The following NTNG1 variants were observed in gnomAD, a reference collection of about 807,000 sequenced individuals.
The protein encoded by NTNG1 is netrin-G1.
NTNG1 carries 16 observed loss-of-function variants against 54.0 expected under a neutral mutation model. The ratio of observed to expected loss-of-function variants is 0.30; its 90% CI spans 0.20 to 0.45. The LOEUF (loss-of-function observed/expected upper bound fraction) is 0.45. Among genes scored for constraint, NTNG1 ranks in the 20% least tolerant of loss-of-function variants. NTNG1 has a pLI of 1.00. For synonymous variants in NTNG1, 255 were observed against 263.1 expected, an observed-to-expected ratio of 0.97 and a Z score of 0.30; for missense variants, 530 against 678.7, an observed-to-expected ratio of 0.78 and a Z score of 2.43.
At chr1:107,335,091 C>T (rs112949516) in intron 3 of NTNG1, among the ~76,000 whole-genome samples, 39 of 152,020 alleles carry the variant, frequency 2.6e-4, no homozygotes, top group African/African-American at 6.0e-4. Context: ...TAAATGAATA[C>T]CACTCCACTC....
chr1:107,226,850 T>C (rs1660723347), intron 2 of NTNG1, among the ~76,000 whole-genome samples: 1 of 152,106 alleles, frequency 6.6e-6, no homozygotes, highest in African/African-American at 2.4e-5. Context: ...GTGAAGTAAC[T>C]GGCTCAGTCT....
chr1:107,334,747 A>G (rs558465101), intron 3 of NTNG1, among the ~76,000 whole-genome samples: 1 of 152,050 alleles, frequency 6.6e-6, no homozygotes, highest in East Asian at 1.9e-4. Flanking sequence ...CAGTTTACTC[A>G]CTGATCTGCG....
rs1344796726 is a variant in NTNG1, at chr1:107,480,943, A to G, written c.*103A>G. 2.4e-6 allele frequency: 2 copies of G among 824,456 alleles called. No homozygotes were observed. Among genetic ancestry groups the G allele is most frequent in the South Asian group, 1.7e-5 (1 of 60,600 alleles). 51.1% of individuals were successfully genotyped at this position (824,456 alleles called of 1,614,324 possible). On this transcript the variant is annotated 3_prime_UTR_variant, in exon 8 of 8. Transcript: ENST00000370068. ...GAAACACACACATACAGACACCCCC[A>G]CTCAGACAGTGTACAAACTAAGAAG...
intron 3 of NTNG1, among the ~76,000 whole-genome samples, chr1:107,360,947 A>G (rs1194975267): frequency 1.3e-5 from 2 of 152,044 alleles, no homozygotes; most frequent in East Asian, 3.9e-4. Flanking sequence ...ATTTGTATAC[A>G]TGACACATAA....
chr1:107,188,286 A>C (rs1303809804), intron 2 of NTNG1, among the ~76,000 whole-genome samples: 2 of 152,146 alleles, frequency 1.3e-5, no homozygotes, highest in Non-Finnish European at 2.9e-5. Context: ...TGCAGCACCA[A>C]GGCAGTAAGA....
intron 5 of NTNG1, chr1:107,418,474 A>C: frequency 1.5e-6 from 1 of 654,480 alleles, no homozygotes; most frequent in East Asian, 2.9e-5. Context: ...CAGCCAAGTT[A>C]AAGAGCAGAT....
intron 3 of NTNG1, among the ~76,000 whole-genome samples, chr1:107,366,935 C>A (rs1213211226): frequency 2.6e-5 from 4 of 152,094 alleles, no homozygotes; most frequent in Admixed American, 2.6e-4. Context: ...AGTTACTGTA[C>A]AAAATCTTGA....
intron 2 of NTNG1, among the ~76,000 whole-genome samples, chr1:107,293,787 C>T (rs1259765607): frequency 6.6e-6 from 1 of 151,928 alleles, no homozygotes; most frequent in African/African-American, 2.4e-5. Context: ...TTTTAATGAC[C>T]ATATAAGAGT....
At chr1:107,426,642 G>A (rs924830279) in intron 5 of NTNG1, among the ~76,000 whole-genome samples, 1 of 151,946 alleles carries the variant, frequency 6.6e-6, no homozygotes, top group Admixed American at 6.6e-5. Flanking sequence ...AAATGCTTTG[G>A]CTTTGGCTAT....
intron 7 of NTNG1, among the ~76,000 whole-genome samples, chr1:107,471,175 G>T (rs563412461): frequency 6.6e-6 from 1 of 152,284 alleles, no homozygotes; most frequent in East Asian, 1.9e-4. Context: ...GTCAGAACTT[G>T]CAGTCCTTGA....
chr1:107,419,438 C>T (rs983936984), intron 5 of NTNG1, among the ~76,000 whole-genome samples: 11 of 113,084 alleles, frequency 9.7e-5, no homozygotes, highest in African/African-American at 3.0e-4. Context: ...AAGAAAACAA[C>T]ACTGATAGAC....
intron 4 of NTNG1, among the ~76,000 whole-genome samples, chr1:107,396,480 T>C (rs2101094969): frequency 6.6e-6 from 1 of 152,292 alleles, no homozygotes. Context: ...TCAGTTGCTT[T>C]CAGTGTTAAA....
rs1217323206 is a variant in NTNG1, at chr1:107,430,873, T to C, written c.1211T>C (p.Phe404Ser). The C allele has an allele frequency of 1.2e-6, 2 of 1,613,092 alleles. No individual in the cohort carries two copies. Among genetic ancestry groups the C allele is most frequent in the Non-Finnish European group, 1.7e-6 (2 of 1,179,530 alleles). ...QHCELCRLGY[F>S]RNASAQLDDE... The stretch of plus-strand genomic sequence containing the variant: ...TGTGAGTTATGCAGGCTGGGCTACT[T>C]CAGAAATGCTTCTGCACAACTGGAC... The change falls in exon 6 of 8, where the codon TTC becomes TCC. Residue 404 changes from phenylalanine to serine, a missense_variant. By Grantham distance (155) the Phe-to-Ser change is radical. Transcript: ENST00000370068.
intron 2 of NTNG1, among the ~76,000 whole-genome samples, chr1:107,275,939 G>T (rs933056218): frequency 2.0e-5 from 3 of 152,136 alleles, no homozygotes; most frequent in African/African-American, 7.2e-5. Flanking sequence ...GAGAAGAAGG[G>T]CTTCTCTCTT....
chr1:107,256,710 G>C (rs1043640515), intron 2 of NTNG1, among the ~76,000 whole-genome samples: 5 of 152,162 alleles, frequency 3.3e-5, no homozygotes, highest in Admixed American at 3.3e-4. Flanking sequence ...GAGGAGAGGA[G>C]AGAGCGGGAG....
intron 2 of NTNG1, among the ~76,000 whole-genome samples, chr1:107,236,029 A>G (rs1007065951): frequency 6.6e-6 from 1 of 152,220 alleles, no homozygotes; most frequent in African/African-American, 2.4e-5. Context: ...AAGAAGGAAT[A>G]CAACATCAAG....
chr1:107,217,647 A>ATAT (rs1032375551), intron 2 of NTNG1, among the ~76,000 whole-genome samples: 3 of 152,080 alleles, frequency 2.0e-5, no homozygotes, highest in African/African-American at 7.2e-5. Flanking sequence ...TTGATAGGTT[A>ATAT]TATCACTACT....
At chr1:107,471,970 A>G (rs1001709615) in intron 7 of NTNG1, among the ~76,000 whole-genome samples, 1 of 152,156 alleles carries the variant, frequency 6.6e-6, no homozygotes, top group African/African-American at 2.4e-5. Context: ...CACATAATTC[A>G]TCTTGAGGCT....
intron 5 of NTNG1, among the ~76,000 whole-genome samples, chr1:107,413,548 CAGATAGTTTCCTCATATGCCAGGGA>C (rs1673988141): frequency 6.6e-6 from 1 of 152,064 alleles, no homozygotes; most frequent in Non-Finnish European, 1.5e-5. Flanking sequence ...TTATCTCCAC[CAGATAGTTTCCTCATATGCCAGGGA>C]AGAAGAATGT....
Sources: gnomAD v4.1 joint callset for allele counts (sites outside exome capture counted in the v4.1 genomes callset) on GRCh38, gnomAD v4.1.1 for gene constraint, MANE v1.5 for transcripts, NCBI Gene and HGNC (gene_info 2026-07-23, HGNC 2026-07-21) for gene names.